RACGAP1: variants seen among roughly 807,000 people sequenced by gnomAD.
RACGAP1 encodes the protein rac GTPase-activating protein 1.
In RACGAP1, 30 loss-of-function variants were observed where a neutral mutation model predicts 78.1. The observed-to-expected ratio is 0.38, with a 90% confidence interval of 0.29 to 0.52. The LOEUF is 0.52. Ranked by LOEUF, RACGAP1 falls within the 20% of genes least tolerant of loss-of-function variation. RACGAP1 has a pLI of 0.82. For synonymous variants in RACGAP1, 231 were observed against 264.8 expected, an observed-to-expected ratio of 0.87 and a Z score of 1.24; for missense variants, 587 against 777.1, an observed-to-expected ratio of 0.76 and a Z score of 2.91.
At chr12:50,018,191 G>A (rs956954732) in intron 1 of RACGAP1, among the ~76,000 whole-genome samples, 9 of 148,856 alleles carry the variant, frequency 6.0e-5, no homozygotes, top group Non-Finnish European at 1.0e-4. Context: ...TAAACATGAA[G>A]ATATTTTATA....
rs888027709 is a variant in RACGAP1, at chr12:49,999,752, T to C, written c.631-19A>G. Reference sequence around the variant, plus strand: ...CATTCCCCTGCAACAAAAGTAGTAATGAGGAAAGACAAACAAAGAATCTAA... The same window carrying C: ...CATTCCCCTGCAACAAAAGTAGTAACGAGGAAAGACAAACAAAGAATCTAA... On this transcript the variant is annotated intron_variant, in intron 7 of 16. Coordinates refer to ENST00000312377, the MANE Select transcript of RACGAP1 (RefSeq NM_001319999.2). The C allele has an allele frequency of 7.0e-6, 11 of 1,563,698 alleles. No individual in the cohort carries two copies. In the Admixed American group the frequency reaches 1.8e-4, roughly 26 times the overall value.
chr12:50,003,903 C>T (rs543815307), intron 5 of RACGAP1, among the ~76,000 whole-genome samples: 25 of 152,234 alleles, frequency 1.6e-4, no homozygotes, highest in African/African-American at 4.3e-4. Context: ...TAAACCCTGA[C>T]GACATACAGT....
intron 10 of RACGAP1, among the ~76,000 whole-genome samples, chr12:49,996,628 T>TGAAAAAAA (rs1948286731): frequency 5.3e-5 from 1 of 18,990 alleles, no homozygotes; most frequent in African/African-American, 2.3e-4. Flanking sequence ...GCAATAGAGC[T>TGAAAAAAA]AAAAAAAAAA....
intron 2 of RACGAP1, among the ~76,000 whole-genome samples, chr12:50,014,293 T>G (rs55652312): frequency 0.1 from 15,323 of 152,250 alleles, 933 homozygotes; most frequent in African/African-American, 0.16. Context: ...AATAATTCCC[T>G]TGGATCACAT....
At chr12:50,026,566 A>G (rs629754), upstream of RACGAP1, among the ~76,000 whole-genome samples, 119,882 of 152,168 alleles carry the variant, frequency 0.79, 50,480 homozygotes, top group East Asian at 0.95. Flanking sequence ...GAGGTAATGG[A>G]TATATTAATT....
chr12:50,024,090 G>A (rs1308835587), intron 1 of RACGAP1, among the ~76,000 whole-genome samples: 2 of 152,100 alleles, frequency 1.3e-5, no homozygotes, highest in African/African-American at 2.4e-5. Context: ...GAATCCGGGA[G>A]GCGGAGCTTG....
intron 1 of RACGAP1, among the ~76,000 whole-genome samples, chr12:50,032,818 C>T (rs1339968685): frequency 6.6e-6 from 1 of 152,194 alleles, no homozygotes; most frequent in East Asian, 1.9e-4. Context: ...AGAGGTCAGG[C>T]TGGAACGCGC....
At position 49,992,461 on chromosome 12, in the gene RACGAP1, T is replaced by A. The variant is rs1260460795; in HGVS notation, c.1446-84A>T. 4 of 1,581,234 alleles carry A rather than the reference T, an allele frequency of 2.5e-6. No individual in the cohort carries two copies. In the East Asian group the frequency reaches 6.7e-5, roughly 27 times the overall value. On this transcript the variant is annotated intron_variant, in intron 13 of 16. Coordinates refer to ENST00000312377, the MANE Select transcript of RACGAP1 (RefSeq NM_001319999.2). The stretch of plus-strand genomic sequence containing the variant: ...ATAAATTCTATAAGAAAACAATTCA[T>A]CCCTCATACTCCCAAACACTCAACC...
chr12:50,017,052 G>C, intron 1 of RACGAP1: 1 of 1,054,374 alleles, frequency 9.5e-7, no homozygotes, highest in Middle Eastern at 4.4e-4. Context: ...TTCAAGTCAA[G>C]CCTATTGATT....
upstream of RACGAP1, among the ~76,000 whole-genome samples, chr12:50,026,552 A>G (rs1232215870): frequency 2.0e-5 from 3 of 152,220 alleles, no homozygotes; most frequent in Non-Finnish European, 2.9e-5. Context: ...TCAATAAAGT[A>G]TGTGAGGTAA....
At chr12:50,017,565 A>G (rs181929821) in intron 1 of RACGAP1, among the ~76,000 whole-genome samples, 17 of 152,334 alleles carry the variant, frequency 1.1e-4, no homozygotes, top group Admixed American at 9.2e-4. Flanking sequence ...CTTTGAGGAA[A>G]TAAGATCTTC....
intron 7 of RACGAP1, among the ~76,000 whole-genome samples, chr12:50,000,220 A>T (rs1948587102): frequency 6.6e-6 from 1 of 151,724 alleles, no homozygotes; most frequent in Non-Finnish European, 1.5e-5. Flanking sequence ...TCACTGTGTT[A>T]GCCAGGATGG....
chr12:50,010,131 C>G (rs1475015761), intron 2 of RACGAP1, among the ~76,000 whole-genome samples: 4 of 152,002 alleles, frequency 2.6e-5, no homozygotes, highest in African/African-American at 9.7e-5. Context: ...ATACTTATTC[C>G]TAATTTATAC....
chr12:50,027,367 G>A (rs1056006426), upstream of RACGAP1, among the ~76,000 whole-genome samples: 2 of 152,142 alleles, frequency 1.3e-5, no homozygotes, highest in Non-Finnish European at 2.9e-5. Flanking sequence ...GCACAGACAA[G>A]GAAGCAATTA....
intron 2 of RACGAP1, among the ~76,000 whole-genome samples, chr12:50,016,137 T>G (rs1949662584): frequency 6.6e-6 from 1 of 152,100 alleles, no homozygotes. Flanking sequence ...ATCCCAGCAC[T>G]TTGGGAGGCC....
chr12:50,007,311 A>G (rs977546518), intron 2 of RACGAP1, among the ~76,000 whole-genome samples: 10 of 152,134 alleles, frequency 6.6e-5, no homozygotes, highest in South Asian at 2.1e-4. Context: ...CAGAATGTGA[A>G]GTCTCTTCAA....
upstream of RACGAP1, chr12:50,025,670 T>TTG: frequency 4.0e-6 from 2 of 504,144 alleles, no homozygotes; most frequent in South Asian, 8.6e-5. Flanking sequence ...GTTTTTTTTG[T>TTG]TTTTTTTTGC....
chr12:50,020,061 G>T (rs1404476278), intron 1 of RACGAP1, among the ~76,000 whole-genome samples: 1 of 152,098 alleles, frequency 6.6e-6, no homozygotes, highest in African/African-American at 2.4e-5. Context: ...CAGAATTTTA[G>T]ACCATTTTTA....
intron 8 of RACGAP1, 169 bp from the exon 9 acceptor site, chr12:49,999,440 G>T: frequency 9.7e-7 from 1 of 1,032,664 alleles, no homozygotes; most frequent in Non-Finnish European, 1.4e-6. Context: ...TTATGCCAGT[G>T]GGCTAGCAAT....
Sources: allele counts gnomAD v4.1 joint callset (sites outside exome capture counted in the v4.1 genomes callset), GRCh38; gene constraint gnomAD v4.1.1; transcripts MANE v1.5; gene names NCBI Gene and HGNC (gene_info 2026-07-23, HGNC 2026-07-21).